Variants in SRPK2 observed in about 807,000 individuals in gnomAD.
SRPK2 encodes SRSF protein kinase 2.
In SRPK2, 21 loss-of-function variants were observed where a neutral mutation model predicts 90.8. The observed-to-expected ratio is 0.23, with a 90% CI of 0.16 to 0.33. The LOEUF (loss-of-function observed/expected upper bound fraction) is 0.33, where lower values mean the gene tolerates loss of function less well. Ranked by LOEUF, SRPK2 falls within the 10% of genes least tolerant of loss-of-function variation. SRPK2 has a pLI of 1.00. For synonymous variants in SRPK2, 288 were observed against 311.1 expected (o/e 0.93, Z 0.78); for missense variants, 620 against 869.0 (o/e 0.71, Z 3.60).
intron 3 of SRPK2, among the ~76,000 whole-genome samples, chr7:105,180,922 T>C (rs1422388969): frequency 6.6e-6 from 1 of 151,908 alleles, no homozygotes; most frequent in Admixed American, 6.6e-5. Flanking sequence ...AAATAAACTA[T>C]CAACAGAGTA....
intron 2 of SRPK2, among the ~76,000 whole-genome samples, chr7:105,384,774 G>C (rs1045705570): frequency 6.6e-6 from 1 of 152,060 alleles, no homozygotes; most frequent in Non-Finnish European, 1.5e-5. Flanking sequence ...CTTCTCAGGT[G>C]CCACTCCTCA....
chr7:105,257,329 A>G (rs1803467641), intron 2 of SRPK2, among the ~76,000 whole-genome samples: 1 of 152,248 alleles, frequency 6.6e-6, no homozygotes, highest in South Asian at 2.1e-4. Context: ...TATTGTTATT[A>G]TAATAGCTGC....
rs568822505 is a variant in SRPK2, at chr7:105,223,015, T to G, written c.72-19230A>C. The stretch of plus-strand genomic sequence containing the variant: ...ACAAATGACACAGAAAAAACTTTCC[T>G]ACTGAGACAATTACTCTTTGTGAAA... On this transcript the variant is annotated intron_variant, in intron 2 of 15. Coordinates refer to ENST00000393651, the MANE Select transcript of SRPK2 (RefSeq NM_182692.3). Among the ~76,000 whole-genome samples the G allele has an allele frequency of 2.8e-4, 43 of 152,340 alleles. 1 individual carries two copies. Among genetic ancestry groups the G allele is most frequent in the Middle Eastern group, 3.4e-3 (1 of 294 alleles).
chr7:105,335,855 C>A (rs763461758), intron 2 of SRPK2, among the ~76,000 whole-genome samples: 1 of 151,850 alleles, frequency 6.6e-6, no homozygotes, highest in Admixed American at 6.6e-5. Flanking sequence ...ACTCAGGAGG[C>A]TGAGGCAGGA....
intron 2 of SRPK2, among the ~76,000 whole-genome samples, chr7:105,313,167 C>G (rs1811912805): frequency 6.6e-6 from 1 of 151,128 alleles, no homozygotes; most frequent in East Asian, 1.9e-4. Context: ...TTTAAATTAC[C>G]AGGTGCAGTG....
chr7:105,223,720 A>C (rs1021906959), intron 2 of SRPK2, among the ~76,000 whole-genome samples: 1 of 152,226 alleles, frequency 6.6e-6, no homozygotes, highest in African/African-American at 2.4e-5. Flanking sequence ...GCACACACAT[A>C]CAAGAGTTTC....
chr7:105,137,826 C>G (rs1385509801), intron 11 of SRPK2, among the ~76,000 whole-genome samples: 1 of 152,216 alleles, frequency 6.6e-6, no homozygotes, highest in Non-Finnish European at 1.5e-5. Flanking sequence ...TCAGGATCTA[C>G]ACAAACTCTT....
At chr7:105,212,419 G>C (rs1165890222) in intron 2 of SRPK2, among the ~76,000 whole-genome samples, 1 of 152,166 alleles carries the variant, frequency 6.6e-6, no homozygotes, top group East Asian at 1.9e-4. Context: ...GAGACATCTA[G>C]AGGTGATCTT....
intron 2 of SRPK2, among the ~76,000 whole-genome samples, chr7:105,226,856 G>A (rs1405577003): frequency 6.6e-6 from 1 of 151,958 alleles, no homozygotes; most frequent in Non-Finnish European, 1.5e-5. Context: ...AAATTAGCCA[G>A]GCTTGAACCT....
At position 105,327,580 on chromosome 7, in the gene SRPK2, A is replaced by G. The variant is rs371386901; in HGVS notation, c.71+61068T>C. On this transcript the variant is annotated intron_variant, in intron 2 of 15. Coordinates refer to ENST00000393651, the MANE Select transcript of SRPK2 (RefSeq NM_182692.3). ...CCACCACTTTACACCCCATTTTGAG[A>G]TGAATTAATTGTTACACATCTGACT... is the stretch of plus-strand genomic sequence containing the variant. Among the ~76,000 whole-genome samples the G allele has an allele frequency of 4.6e-5, 7 of 152,280 alleles. No individual in the cohort carries two copies. The East Asian group carries it at 1.4e-3, about 29-fold the overall frequency.
chr7:105,369,708 T>C (rs1262227921), intron 2 of SRPK2, among the ~76,000 whole-genome samples: 5 of 151,982 alleles, frequency 3.3e-5, no homozygotes, highest in Non-Finnish European at 7.4e-5. Context: ...GAAATAAAAA[T>C]AATCAACAGG....
At chr7:105,330,217 G>A (rs1043548808) in intron 2 of SRPK2, among the ~76,000 whole-genome samples, 6 of 151,744 alleles carry the variant, frequency 4.0e-5, no homozygotes, top group African/African-American at 4.8e-5. Flanking sequence ...GCGGGTGCCC[G>A]TAGTCCCAGC....
intron 2 of SRPK2, among the ~76,000 whole-genome samples, chr7:105,332,348 A>C (rs1161144596): frequency 2.0e-5 from 3 of 152,242 alleles, no homozygotes; most frequent in African/African-American, 7.2e-5. Flanking sequence ...CATTGCTCAT[A>C]ACTTTGGACT....
At chr7:105,152,502 A>G (rs528329491) in intron 7 of SRPK2, among the ~76,000 whole-genome samples, 1 of 152,066 alleles carries the variant, frequency 6.6e-6, no homozygotes, top group Non-Finnish European at 1.5e-5. Flanking sequence ...TTGTCTTTCC[A>G]GTGAAGTTTT....
intron 2 of SRPK2, among the ~76,000 whole-genome samples, chr7:105,354,945 T>C (rs972221247): frequency 6.6e-6 from 1 of 152,208 alleles, no homozygotes; most frequent in African/African-American, 2.4e-5. Flanking sequence ...ACTTTCTGTC[T>C]CTATGAGTTT....
chr7:105,308,501 T>A (rs1362196472), intron 2 of SRPK2, among the ~76,000 whole-genome samples: 1 of 152,154 alleles, frequency 6.6e-6, no homozygotes, highest in Non-Finnish European at 1.5e-5. Flanking sequence ...ATGTACTCAT[T>A]TTCATATAAT....
At chr7:105,167,645 C>G (rs992832737) in intron 5 of SRPK2, among the ~76,000 whole-genome samples, 181 bp from the exon 6 acceptor site, 1 of 152,122 alleles carries the variant, frequency 6.6e-6, no homozygotes, top group African/African-American at 2.4e-5. Flanking sequence ...GAGTCTTGCT[C>G]TATCGCCCAG....
intron 7 of SRPK2, among the ~76,000 whole-genome samples, chr7:105,159,468 A>AAAAAAAAAAAAAAG: frequency 6.7e-6 from 1 of 149,212 alleles, no homozygotes; most frequent in African/African-American, 2.4e-5. Context: ...AAAAAAAAAA[A>AAAAAAAAAAAAAAG]AAAAACCGTA....
intron 3 of SRPK2, among the ~76,000 whole-genome samples, chr7:105,180,037 T>C (rs1792558280): frequency 6.6e-6 from 1 of 152,130 alleles, no homozygotes; most frequent in African/African-American, 2.4e-5. Flanking sequence ...ATGCTATTCC[T>C]ATCAAACTAT....
Sources: gnomAD v4.1 joint callset for allele counts (sites outside exome capture counted in the v4.1 genomes callset) on GRCh38, gnomAD v4.1.1 for gene constraint, MANE v1.5 for transcripts, NCBI Gene and HGNC (gene_info 2026-07-23, HGNC 2026-07-21) for gene names.